Variants in MGAT4C observed in about 807,000 individuals in gnomAD.
MGAT4C encodes alpha-1,3-mannosyl-glycoprotein 4-beta-N-acetylglucosaminyltransferase C.
In MGAT4C, 19 loss-of-function variants were observed where a neutral mutation model predicts 40.1. The observed-to-expected ratio is 0.47, with a 90% confidence interval of 0.33 to 0.70. The LOEUF is 0.70. MGAT4C is among the 30% of genes least tolerant of loss of function. The pLI, the probability that MGAT4C is intolerant of heterozygous loss-of-function variation, is 0.02. For missense variants in MGAT4C, 491 were observed against 563.2 expected, an observed-to-expected ratio of 0.87 and a Z score of 1.30; for synonymous variants, 181 against 187.1, an observed-to-expected ratio of 0.97 and a Z score of 0.27.
Position 85,960,091 on chromosome 12 carries a change from T to C in MGAT4C, c.*19198A>G, listed in dbSNP as rs1226075260. The C allele has an allele frequency of 2.0e-5, 3 of 152,172 alleles. No individual in the cohort carries two copies. In the East Asian group the frequency reaches 5.8e-4, roughly 29 times the overall value. 9.4% of individuals were successfully genotyped at this position (152,172 alleles called of 1,614,324 possible). A position where few individuals can be genotyped will look rare whatever the true frequency, so the allele number is the denominator to read the frequency against. Reference sequence around the variant, plus strand: ...ATTAGAGTCTAATTTTTGGAAAGTATACTTCGCCTTTTCAGTAATTTTATT... The same window carrying C: ...ATTAGAGTCTAATTTTTGGAAAGTACACTTCGCCTTTTCAGTAATTTTATT... On this transcript the variant is annotated 3_prime_UTR_variant, in exon 5 of 5. Coordinates refer to ENST00000611864, the MANE Select transcript of MGAT4C (RefSeq NM_001351288.2).
At chr12:86,162,824 T>C (rs1165569719) in intron 1 of MGAT4C, among the ~76,000 whole-genome samples, 1 of 152,208 alleles carries the variant, frequency 6.6e-6, no homozygotes, top group Non-Finnish European at 1.5e-5. Context: ...TGGTTTTATC[T>C]ACATCCAAAA....
At chr12:86,537,228 T>C (rs10735251) in intron 2 of MGAT4C, among the ~76,000 whole-genome samples, 8 of 151,352 alleles carry the variant, frequency 5.3e-5, no homozygotes, top group Non-Finnish European at 1.0e-4. Flanking sequence ...TTGTGGGGTG[T>C]GGGGAGAGGG....
intron 3 of MGAT4C, among the ~76,000 whole-genome samples, chr12:86,384,244 A>G (rs1565721813): frequency 6.6e-6 from 1 of 152,202 alleles, no homozygotes; most frequent in African/African-American, 2.4e-5. Flanking sequence ...CAGTACTCAC[A>G]TGCATCTCCT....
intron 3 of MGAT4C, among the ~76,000 whole-genome samples, chr12:86,394,530 T>C (rs1012872641): frequency 1.4e-5 from 2 of 145,606 alleles, no homozygotes; most frequent in African/African-American, 5.0e-5. Flanking sequence ...ATTTATATAT[T>C]TTATACATAT....
chr12:86,633,437 T>C (rs1046061245), intron 2 of MGAT4C, among the ~76,000 whole-genome samples: 1 of 152,110 alleles, frequency 6.6e-6, no homozygotes, highest in South Asian at 2.1e-4. Context: ...CAACATCTTC[T>C]ATATCTCAAA....
In MGAT4C at chr12:86,053,099, C is replaced by A. The variant is rs1347182818; in HGVS notation, c.-56-3376G>T. On this transcript the variant is annotated intron_variant, in intron 1 of 4. Transcript: ENST00000611864. Reference sequence around the variant, plus strand: ...CGAGTGTCAATTCCTTGCCAATATACCTCAGCCTACACATGTGAATGCCCA... The same window carrying A: ...CGAGTGTCAATTCCTTGCCAATATAACTCAGCCTACACATGTGAATGCCCA... Among the ~76,000 whole-genome samples, 3 of 151,800 alleles carry A rather than the reference C, an allele frequency of 2.0e-5. No homozygotes were observed. The East Asian group carries it at 5.8e-4, about 29-fold the overall frequency.
intron 4 of MGAT4C, among the ~76,000 whole-genome samples, chr12:86,270,328 G>A (rs545953217): frequency 2.0e-5 from 3 of 152,008 alleles, no homozygotes; most frequent in Middle Eastern, 3.4e-3. Flanking sequence ...TGATCCGCCC[G>A]CCTCGGCCTC....
At chr12:86,555,822 C>G (rs1484499138) in intron 2 of MGAT4C, among the ~76,000 whole-genome samples, 1 of 152,142 alleles carries the variant, frequency 6.6e-6, no homozygotes, top group African/African-American at 2.4e-5. Flanking sequence ...TTCGCAGCCT[C>G]CACACTCATG....
chr12:86,384,559 G>A (rs2136222797), intron 3 of MGAT4C, among the ~76,000 whole-genome samples: 2 of 152,280 alleles, frequency 1.3e-5, no homozygotes, highest in East Asian at 1.9e-4. Context: ...AAACGCATTA[G>A]TATTTGATAC....
At chr12:86,027,216 T>C (rs749889649) in intron 2 of MGAT4C, among the ~76,000 whole-genome samples, 2 of 151,934 alleles carry the variant, frequency 1.3e-5, no homozygotes, top group Admixed American at 1.3e-4. Flanking sequence ...AGCACATTCA[T>C]GGGTATTTTC....
At chr12:86,358,608 G>A (rs1955374393) in intron 3 of MGAT4C, among the ~76,000 whole-genome samples, 1 of 152,134 alleles carries the variant, frequency 6.6e-6, no homozygotes, top group Admixed American at 6.6e-5. Context: ...ACACACATAG[G>A]CTCAAAATAA....
rs1001381962 is a variant in MGAT4C, at chr12:85,968,840, T to C, written c.*10449A>G. 1 of 151,336 alleles carries C rather than the reference T, an allele frequency of 6.6e-6. No individual in the cohort carries two copies. Among genetic ancestry groups the C allele is most frequent in the African/African-American group, 2.4e-5 (1 of 41,374 alleles). 9.4% of individuals were successfully genotyped at this position (151,336 alleles called of 1,614,324 possible). ...CAGCCAGACTTAAAAACTAGTAATT[T>C]AGACAAGTGTGAGCAGAGGTTAATA... On this transcript the variant is annotated 3_prime_UTR_variant, in exon 5 of 5. Coordinates refer to ENST00000611864, the MANE Select transcript of MGAT4C (RefSeq NM_001351288.2).
At chr12:86,502,822 TGTATACACGAGTTCTGCTC>T (rs1958379595) in intron 2 of MGAT4C, among the ~76,000 whole-genome samples, 1 of 115,704 alleles carries the variant, frequency 8.6e-6, no homozygotes, top group Admixed American at 9.2e-5. Context: ...CTCATATATA[TGTATACACGAGTTCTGCTC>T]ATATATATAT....
intron 1 of MGAT4C, among the ~76,000 whole-genome samples, chr12:86,829,165 T>C (rs935236974): frequency 3.3e-5 from 5 of 151,614 alleles, no homozygotes; most frequent in Admixed American, 2.6e-4. Flanking sequence ...GTATCATATA[T>C]AATACACAAT....
chr12:86,429,952 CT>C (rs1157179731), intron 3 of MGAT4C, among the ~76,000 whole-genome samples: 3 of 152,108 alleles, frequency 2.0e-5, no homozygotes, highest in Admixed American at 6.6e-5. Context: ...TTACTGTAAG[CT>C]TTATTCCTTT....
rs1486670026 is a variant in MGAT4C, at chr12:86,302,913, C to A, written c.-57+31152G>T. ...GTGTGAGGGATGAAAGCTAAGGGATCAAGATTCCAAGAAGCAATGACAAGT... is the reference window on the plus strand; with the variant it reads ...GTGTGAGGGATGAAAGCTAAGGGATAAAGATTCCAAGAAGCAATGACAAGT... On this transcript the variant is annotated intron_variant, in intron 4 of 7. Coordinates refer to the MGAT4C transcript ENST00000548651. Among the ~76,000 whole-genome samples the A allele has an allele frequency of 2.0e-5, 3 of 150,604 alleles. 1 individual carries two copies. The highest frequency in any genetic ancestry group is 7.5e-5 in the African/African-American group (3 of 40,064).
At chr12:86,278,939 G>C (rs529256603) in intron 4 of MGAT4C, among the ~76,000 whole-genome samples, 1 of 78,978 alleles carries the variant, frequency 1.3e-5, no homozygotes, top group East Asian at 4.0e-4. Flanking sequence ...TATCATATAG[G>C]TTTTGTCCTT....
At chr12:86,402,436 A>C (rs1020918862) in intron 3 of MGAT4C, among the ~76,000 whole-genome samples, 2 of 152,172 alleles carry the variant, frequency 1.3e-5, no homozygotes, top group African/African-American at 4.8e-5. Context: ...TTCAAAAAAA[A>C]TAATAATAAT....
intron 2 of MGAT4C, among the ~76,000 whole-genome samples, chr12:86,719,659 T>C (rs1398622928): frequency 6.6e-6 from 1 of 152,196 alleles, no homozygotes; most frequent in Non-Finnish European, 1.5e-5. Flanking sequence ...AAGAAGTGAC[T>C]GGTGTTTGCA....
Sources: allele counts gnomAD v4.1 joint callset (sites outside exome capture counted in the v4.1 genomes callset), GRCh38; gene constraint gnomAD v4.1.1; transcripts MANE v1.5; gene names NCBI Gene and HGNC (gene_info 2026-07-23, HGNC 2026-07-21).